MAPKAP1: variants seen among roughly 807,000 people sequenced by gnomAD.
The protein encoded by MAPKAP1 is MAPK associated protein 1.
A neutral mutation model predicts 65.7 loss-of-function variants in MAPKAP1; 20 were observed. The ratio of observed to expected loss-of-function variants is 0.30; its 90% CI spans 0.21 to 0.44. The LOEUF (loss-of-function observed/expected upper bound fraction) is 0.44. Among genes scored for constraint, MAPKAP1 ranks in the 20% least tolerant of loss-of-function variants. The probability of loss-of-function intolerance (pLI) is 1.00; values close to 1 mark genes in which losing one functional copy is unlikely to be tolerated. For missense variants in MAPKAP1, 423 were observed against 648.0 expected (o/e 0.65, Z 3.77); for synonymous variants, 222 against 244.3 (o/e 0.91, Z 0.85).
intron 9 of MAPKAP1, among the ~76,000 whole-genome samples, chr9:125,469,507 C>A (rs992922063): frequency 1.5e-4 from 23 of 152,174 alleles, no homozygotes; most frequent in African/African-American, 5.3e-4. Flanking sequence ...CAAATACCAG[C>A]TAGACAAAGG....
At chr9:125,689,803 C>G (rs1221930929) in intron 1 of MAPKAP1, among the ~76,000 whole-genome samples, 1 of 150,656 alleles carries the variant, frequency 6.6e-6, no homozygotes, top group African/African-American at 2.4e-5. Flanking sequence ...CAATGTACTA[C>G]GGGCCAGGCG....
At chr9:125,465,312 A>C (rs1853633248) in intron 10 of MAPKAP1, among the ~76,000 whole-genome samples, 2 of 152,254 alleles carry the variant, frequency 1.3e-5, no homozygotes, top group African/African-American at 4.8e-5. Flanking sequence ...TATGAAATAT[A>C]GTGACTTTCA....
chr9:125,459,876 A>AGCTCTAGGAACATT (rs1469527561), intron 10 of MAPKAP1, among the ~76,000 whole-genome samples: 1 of 146,202 alleles, frequency 6.8e-6, no homozygotes, highest in African/African-American at 2.5e-5. Flanking sequence ...AGGGAGAGGG[A>AGCTCTAGGAACATT]CGCATATGGA....
At chr9:125,496,724 C>A (rs902460342) in intron 8 of MAPKAP1, among the ~76,000 whole-genome samples, 1 of 152,200 alleles carries the variant, frequency 6.6e-6, no homozygotes, top group Admixed American at 6.5e-5. Flanking sequence ...ACAGCTGCTT[C>A]TTCCCTCTCT....
At chr9:125,614,777 AC>A (rs772651044) in intron 4 of MAPKAP1, among the ~76,000 whole-genome samples, 1 of 152,218 alleles carries the variant, frequency 6.6e-6, no homozygotes, top group Non-Finnish European at 1.5e-5. Flanking sequence ...AACAGAAAGG[AC>A]TTTTATTAAC....
chr9:125,613,522 C>G (rs1434680530), intron 4 of MAPKAP1, among the ~76,000 whole-genome samples: 1 of 152,194 alleles, frequency 6.6e-6, no homozygotes, highest in Non-Finnish European at 1.5e-5. Context: ...CAGAGTACTC[C>G]ATGGTGTCAG....
At chr9:125,575,155 C>T (rs1831354752) in intron 5 of MAPKAP1, among the ~76,000 whole-genome samples, 1 of 152,150 alleles carries the variant, frequency 6.6e-6, no homozygotes, top group Non-Finnish European at 1.5e-5. Flanking sequence ...AATTCAAGAC[C>T]ACCCAAGGCA....
At chr9:125,628,363 T>C (rs1224309687) in intron 4 of MAPKAP1, among the ~76,000 whole-genome samples, 1 of 152,250 alleles carries the variant, frequency 6.6e-6, no homozygotes, top group East Asian at 1.9e-4. Flanking sequence ...TGCTTCACTA[T>C]GCAGATCATC....
intron 7 of MAPKAP1, among the ~76,000 whole-genome samples, chr9:125,519,078 C>T (rs1168319459): frequency 2.6e-5 from 4 of 152,122 alleles, no homozygotes; most frequent in African/African-American, 9.7e-5. Flanking sequence ...CTAGACCAGA[C>T]TAGGGAAGAC....
chr9:125,683,501 C>T (rs1016493084), intron 1 of MAPKAP1, among the ~76,000 whole-genome samples: 2 of 152,140 alleles, frequency 1.3e-5, no homozygotes, highest in Non-Finnish European at 2.9e-5. Context: ...GACCTGAGAG[C>T]AGCCTCTAGG....
intron 4 of MAPKAP1, among the ~76,000 whole-genome samples, chr9:125,651,668 C>T (rs1283630506): frequency 1.3e-5 from 2 of 152,088 alleles, no homozygotes; most frequent in African/African-American, 4.8e-5. Context: ...ACGAACAGCT[C>T]CTAATTCAAA....
intron 1 of MAPKAP1, among the ~76,000 whole-genome samples, chr9:125,685,549 T>A (rs2131833144): frequency 6.6e-6 from 1 of 152,340 alleles, no homozygotes; most frequent in Non-Finnish European, 1.5e-5. Flanking sequence ...CACTGGAGGA[T>A]TGTGAATGAT....
At chr9:125,610,750 G>A (rs969543699) in intron 4 of MAPKAP1, among the ~76,000 whole-genome samples, 1 of 152,192 alleles carries the variant, frequency 6.6e-6, no homozygotes, top group South Asian at 2.1e-4. Flanking sequence ...TTATTTGATG[G>A]ACCAGAAAGA....
At chr9:125,620,633 A>C (rs922567857) in intron 4 of MAPKAP1, among the ~76,000 whole-genome samples, 3 of 152,228 alleles carry the variant, frequency 2.0e-5, no homozygotes, top group Admixed American at 2.0e-4. Context: ...AATTAGTTAC[A>C]TAAATTACAG....
At chr9:125,606,064 C>T (rs1008516856) in intron 4 of MAPKAP1, among the ~76,000 whole-genome samples, 7 of 152,086 alleles carry the variant, frequency 4.6e-5, no homozygotes, top group Middle Eastern at 3.4e-3. Flanking sequence ...ACGATAATTC[C>T]TCTGAAAGCA....
chr9:125,673,683 G>A (rs10986840), intron 1 of MAPKAP1, among the ~76,000 whole-genome samples: 3,009 of 152,172 alleles, frequency 0.02, 165 homozygotes, highest in East Asian at 0.15. Flanking sequence ...CCTTTGGGGG[G>A]CCGAGGCAGG....
At position 125,595,456 on chromosome 9, in the gene MAPKAP1, TTAAAA is replaced by T. The variant is rs1296985910; in HGVS notation, c.499-9734_499-9730del. The stretch of plus-strand genomic sequence containing the variant: ...AGCTTTTCTCAGCTGATCCTATTAA[TTAAAA>T]TAATATACATTAGCTGCTTATCATA... On this transcript the variant is annotated intron_variant, in intron 4 of 11. Transcript: ENST00000265960. The surrounding 1 kb of genome is among the most constrained non-coding windows in gnomAD (Gnocchi z 4.0). 1.1e-6 allele frequency: 1 copy of T among 906,668 alleles called. No individual in the cohort carries two copies. The highest frequency in any genetic ancestry group is 1.3e-6 in the Non-Finnish European group (1 of 741,786). The allele number at this position is 906,668 out of a possible 1,614,324, so 56.2% of individuals were successfully genotyped here. A position where few individuals can be genotyped will look rare whatever the true frequency, so the allele number is the denominator to read the frequency against.
chr9:125,543,126 T>G lies in MAPKAP1; in HGVS notation c.891A>C (p.Thr297=). 1 of 1,614,020 alleles carries G rather than the reference T, an allele frequency of 6.2e-7. No individual in the cohort carries two copies. Among genetic ancestry groups the G allele is most frequent in the South Asian group, 1.1e-5 (1 of 91,076 alleles). The change falls in exon 7 of 12, where the codon ACA becomes ACC. Residue 297 remains threonine, a synonymous_variant. Coordinates refer to ENST00000265960, the MANE Select transcript of MAPKAP1 (RefSeq NM_001006617.3). ...HGFSLIQVDN[T]KVTMKEILLK... ...GTAAGATTTCCTTCATGGTAACCTT[T>G]GTGTTGTCCACCTGAATAAGGGAGA... is the stretch of plus-strand genomic sequence containing the variant.
intron 7 of MAPKAP1, among the ~76,000 whole-genome samples, chr9:125,538,990 C>CTA (rs1830160265): frequency 6.6e-6 from 1 of 152,214 alleles, no homozygotes; most frequent in South Asian, 2.1e-4. Context: ...TCCCCCTCTG[C>CTA]TCCTAGTAGT....
Sources: gnomAD v4.1 joint callset for allele counts (sites outside exome capture counted in the v4.1 genomes callset) on GRCh38, gnomAD v4.1.1 for gene constraint, Gnocchi (gnomAD v3.1) non-coding constraint, MANE v1.5 for transcripts, NCBI Gene and HGNC (gene_info 2026-07-23, HGNC 2026-07-21) for gene names.